Variants in PPM1L observed in about 807,000 individuals in gnomAD.
The protein encoded by PPM1L is protein phosphatase 1L.
In PPM1L, 13 loss-of-function variants were observed where a neutral mutation model predicts 31.4. That is an observed-to-expected ratio of 0.41 (90% CI 0.27 to 0.66). The LOEUF is 0.66. Among genes scored for constraint, PPM1L ranks in the 30% least tolerant of loss-of-function variants. The pLI is 0.29. For synonymous variants in PPM1L, 184 were observed against 175.4 expected (o/e 1.05, Z -0.39); for missense variants, 326 against 453.7 (o/e 0.72, Z 2.56).
intron 1 of PPM1L, among the ~76,000 whole-genome samples, chr3:160,807,462 T>C (rs1306759184): frequency 6.6e-6 from 1 of 152,242 alleles, no homozygotes; most frequent in South Asian, 2.1e-4. Context: ...CCCTACAAAT[T>C]AACTTAGACA....
At chr3:160,763,710 T>G (rs75843487) in intron 1 of PPM1L, among the ~76,000 whole-genome samples, 1 of 152,310 alleles carries the variant, frequency 6.6e-6, no homozygotes, top group Non-Finnish European at 1.5e-5. Context: ...AGTAATCCTG[T>G]TCCTCCAAAC....
intron 1 of PPM1L, among the ~76,000 whole-genome samples, chr3:160,852,219 G>C (rs1209398401): frequency 6.6e-6 from 1 of 152,234 alleles, no homozygotes; most frequent in Non-Finnish European, 1.5e-5. Context: ...TCAGAGGCTA[G>C]AGAAGCTGGG....
chr3:160,948,117 T>G (rs1216336657), intron 1 of PPM1L, among the ~76,000 whole-genome samples: 1 of 152,190 alleles, frequency 6.6e-6, no homozygotes, highest in Non-Finnish European at 1.5e-5. Context: ...AAGGATATAC[T>G]TCTAGCTTAT....
At chr3:161,009,405 A>G (rs765552450) in intron 2 of PPM1L, among the ~76,000 whole-genome samples, 30 of 152,218 alleles carry the variant, frequency 2.0e-4, no homozygotes, top group Non-Finnish European at 4.0e-4. Flanking sequence ...TTTTTAAAAA[A>G]TATGTGACCG....
intron 2 of PPM1L, among the ~76,000 whole-genome samples, chr3:161,027,762 G>A (rs1718449014): frequency 6.6e-6 from 1 of 152,158 alleles, no homozygotes; most frequent in African/African-American, 2.4e-5. Flanking sequence ...AGCACCAAAA[G>A]TCCCTCCAGG....
In PPM1L at chr3:160,936,007, G is replaced by T. The variant is rs185767594; in HGVS notation, c.400-25729G>T. Reference sequence around the variant, plus strand: ...TAAACTAAGACTTACCTGGGTCAAGGGTGTGGAAGAGCTTTGAAGTGGGTC... The same window carrying T: ...TAAACTAAGACTTACCTGGGTCAAGTGTGTGGAAGAGCTTTGAAGTGGGTC... On this transcript the variant is annotated intron_variant, in intron 1 of 3. Coordinates refer to ENST00000498165, the MANE Select transcript of PPM1L (RefSeq NM_139245.4). Among the ~76,000 whole-genome samples the T allele has an allele frequency of 9.9e-5, 15 of 152,218 alleles. No individual in the cohort carries two copies. In the East Asian group the frequency reaches 2.7e-3, roughly 27 times the overall value.
At chr3:161,063,354 T>C (rs1351870888) in intron 2 of PPM1L, among the ~76,000 whole-genome samples, 1 of 152,214 alleles carries the variant, frequency 6.6e-6, no homozygotes, top group Non-Finnish European at 1.5e-5. Context: ...AGGCCTTTTG[T>C]ATTAGAAATC....
chr3:160,998,781 A>G (rs1454110109), intron 2 of PPM1L, among the ~76,000 whole-genome samples: 4 of 152,324 alleles, frequency 2.6e-5, no homozygotes, highest in African/African-American at 9.6e-5. Flanking sequence ...CTGTTTGTTA[A>G]GCACTGTGTG....
chr3:160,905,714 C>T (rs573206197), intron 1 of PPM1L, among the ~76,000 whole-genome samples: 4 of 152,202 alleles, frequency 2.6e-5, no homozygotes, highest in South Asian at 2.1e-4. Flanking sequence ...ATACATCTAG[C>T]TTTTTATGTT....
At chr3:160,885,461 G>T (rs1330650575) in intron 1 of PPM1L, among the ~76,000 whole-genome samples, 2 of 152,166 alleles carry the variant, frequency 1.3e-5, no homozygotes, top group Non-Finnish European at 2.9e-5. Flanking sequence ...GTGGTGATTG[G>T]AGACTCCCAT....
chr3:160,850,950 G>T (rs1048829916), intron 1 of PPM1L, among the ~76,000 whole-genome samples: 13 of 147,236 alleles, frequency 8.8e-5, no homozygotes, highest in Non-Finnish European at 1.6e-4. Context: ...TCCCATACTT[G>T]TCAGAGAGTA....
chr3:160,881,103 C>G (rs1354736154), intron 1 of PPM1L, among the ~76,000 whole-genome samples: 1 of 152,190 alleles, frequency 6.6e-6, no homozygotes, highest in Non-Finnish European at 1.5e-5. Context: ...ATAAAACTCT[C>G]TAAGGTAATA....
intron 1 of PPM1L, among the ~76,000 whole-genome samples, chr3:160,823,725 C>A (rs1368866009): frequency 6.6e-6 from 1 of 152,060 alleles, no homozygotes; most frequent in African/African-American, 2.4e-5. Flanking sequence ...TCACAAGAAT[C>A]CTATGAAGCA....
intron 3 of PPM1L, 94 bp from the exon 4 acceptor site, chr3:161,068,717 T>G (rs1334539825): frequency 1.8e-5 from 18 of 1,020,542 alleles, no homozygotes; most frequent in Non-Finnish European, 2.4e-5. Context: ...CCAGTTCACA[T>G]GAAGTAGGTC....
intron 2 of PPM1L, among the ~76,000 whole-genome samples, chr3:160,989,598 G>T (rs1434588356): frequency 3.9e-5 from 6 of 151,912 alleles, no homozygotes; most frequent in African/African-American, 1.5e-4. Context: ...CTGACCTCAG[G>T]TGATCCACCC....
chr3:160,829,590 T>C (rs1303623970), intron 1 of PPM1L, among the ~76,000 whole-genome samples: 3 of 152,188 alleles, frequency 2.0e-5, no homozygotes, highest in African/African-American at 7.2e-5. Flanking sequence ...CATCCACCTT[T>C]GAAACGTGGC....
At chr3:160,854,902 C>G (rs1351121619) in intron 1 of PPM1L, among the ~76,000 whole-genome samples, 1 of 143,376 alleles carries the variant, frequency 7.0e-6, no homozygotes, top group Non-Finnish European at 1.5e-5. Flanking sequence ...AAAAAAGAGT[C>G]CGAATAGCCA....
chr3:160,874,812 TAGAG>T (rs1712451271), intron 1 of PPM1L, among the ~76,000 whole-genome samples: 1 of 152,148 alleles, frequency 6.6e-6, no homozygotes, highest in African/African-American at 2.4e-5. Flanking sequence ...TATGCCATAT[TAGAG>T]AGAGCACATG....
At chr3:160,973,263 C>T (rs990407095) in intron 2 of PPM1L, among the ~76,000 whole-genome samples, 2 of 152,166 alleles carry the variant, frequency 1.3e-5, no homozygotes, top group African/African-American at 2.4e-5. Flanking sequence ...TTGTTTGCCA[C>T]AAGGGAAGTA....
Sources: gnomAD v4.1 joint callset for allele counts (sites outside exome capture counted in the v4.1 genomes callset) on GRCh38, gnomAD v4.1.1 for gene constraint, MANE v1.5 for transcripts, NCBI Gene and HGNC (gene_info 2026-07-23, HGNC 2026-07-21) for gene names.